The following SMARCE1 variants were observed in gnomAD, a reference collection of about 807,000 sequenced individuals.
SMARCE1 encodes SWI/SNF-related matrix-associated actin-dependent regulator of chromatin subfamily E member 1.
A neutral mutation model predicts 54.9 loss-of-function variants in SMARCE1; 13 were observed. That is an observed-to-expected ratio of 0.24 (90% CI 0.15 to 0.38). The LOEUF (loss-of-function observed/expected upper bound fraction) is 0.38, where lower values mean the gene tolerates loss of function less well. SMARCE1 is among the 10% of genes least tolerant of loss of function. The pLI, the probability that SMARCE1 is intolerant of heterozygous loss-of-function variation, is 1.00. For missense variants in SMARCE1, 295 were observed against 523.8 expected, an observed-to-expected ratio of 0.56 and a Z score of 4.26; for synonymous variants, 151 against 175.3, an observed-to-expected ratio of 0.86 and a Z score of 1.10.
intron 4 of SMARCE1, among the ~76,000 whole-genome samples, chr17:40,638,840 T>A (rs2037169460): frequency 6.6e-6 from 1 of 152,140 alleles, no homozygotes; most frequent in Non-Finnish European, 1.5e-5. Context: ...GTTGCTATGA[T>A]AAAACCCCAG....
chr17:40,636,221 C>T, intron 6 of SMARCE1, 119 bp from the exon 7 acceptor site: 2 of 1,189,492 alleles, frequency 1.7e-6, no homozygotes, highest in South Asian at 3.0e-5. Context: ...GGATAATTAT[C>T]TCCTTTTTAC....
rs2037093971 is a variant in SMARCE1, at chr17:40,631,380, T to C, written c.816+212A>G. ...CTAGCATTTACAGGCCTAGAAGATA[T>C]GTGTATACTCTATGATATTTCAAAT... On this transcript the variant is annotated intron_variant, in intron 9 of 10. Transcript: ENST00000348513. 8.3e-6 allele frequency: 4 copies of C among 479,048 alleles called. No individual in the cohort carries two copies. In the South Asian group the frequency reaches 1.0e-4, roughly 12 times the overall value. 29.7% of individuals were successfully genotyped at this position (479,048 alleles called of 1,614,324 possible). A position where few individuals can be genotyped will look rare whatever the true frequency, so the allele number is the denominator to read the frequency against.
At chr17:40,645,467 A>T in intron 3 of SMARCE1, 109 bp downstream of exon 3, 1 of 601,642 alleles carries the variant, frequency 1.7e-6, no homozygotes, top group Non-Finnish European at 2.9e-6. Flanking sequence ...TTTTAAGCTG[A>T]ATTTCATCCT....
At chr17:40,629,435 G>T in intron 10 of SMARCE1, 2 of 757,446 alleles carry the variant, frequency 2.6e-6, no homozygotes, top group Admixed American at 4.1e-5. Flanking sequence ...CACGTGACTT[G>T]CATTTTATTT....
intron 10 of SMARCE1, 24 bp downstream of exon 10, chr17:40,630,690 C>A: frequency 6.3e-7 from 1 of 1,597,226 alleles, no homozygotes; most frequent in Non-Finnish European, 8.6e-7. Flanking sequence ...GGCACTGCCT[C>A]TGCGTTTGTT....
At chr17:40,632,094 GACAT>G in intron 8 of SMARCE1, 97 bp downstream of exon 8, 2 of 911,810 alleles carry the variant, frequency 2.2e-6, no homozygotes, top group Non-Finnish European at 1.7e-6. Context: ...AGGTTAGATT[GACAT>G]ATTTAACAGG....
intron 10 of SMARCE1, chr17:40,630,109 G>A (rs891899135): frequency 4.4e-6 from 3 of 684,694 alleles, no homozygotes; most frequent in Non-Finnish European, 5.1e-6. Context: ...TTAAAACAGT[G>A]CCATGAGGTA....
chr17:40,625,085 G>T lies in SMARCE1; in HGVS notation c.*3700C>A, dbSNP rs1479269753. 1 of 152,240 alleles carries T rather than the reference G, an allele frequency of 6.6e-6. No individual in the cohort carries two copies. Among genetic ancestry groups the T allele is most frequent in the Non-Finnish European group, 1.5e-5 (1 of 68,046 alleles). The allele number at this position is 152,240 out of a possible 1,614,324, so 9.4% of individuals were successfully genotyped here. On this transcript the variant is annotated 3_prime_UTR_variant, in exon 11 of 11. Coordinates refer to ENST00000348513, the MANE Select transcript of SMARCE1 (RefSeq NM_003079.5). ...TTCACACTTAGAAAGCTGCCACGAAGAGCTTATTCTTGGAGTATAAAATGC... is the reference window on the plus strand; with the variant it reads ...TTCACACTTAGAAAGCTGCCACGAATAGCTTATTCTTGGAGTATAAAATGC...
chr17:40,646,451 C>T (rs1047368127), intron 1 of SMARCE1, among the ~76,000 whole-genome samples: 1 of 152,162 alleles, frequency 6.6e-6, no homozygotes, highest in African/African-American at 2.4e-5. Context: ...TTTTTCTCCT[C>T]AAGGGAACTT....
At chr17:40,640,635 T>C (rs966496164) in intron 4 of SMARCE1, 4 of 152,192 alleles carry the variant, frequency 2.6e-5, no homozygotes, top group Admixed American at 1.3e-4. Context: ...CAGCTTAAAC[T>C]AGATATAGAA....
intron 8 of SMARCE1, chr17:40,631,932 T>G: frequency 1.8e-6 from 1 of 547,458 alleles, no homozygotes; most frequent in South Asian, 2.9e-5. Context: ...GCAGTAAAGA[T>G]TGATAGGATG....
chr17:40,639,544 T>G lies in SMARCE1; in HGVS notation c.157-1972A>C, dbSNP rs913558861. 3.3e-5 allele frequency among the ~76,000 whole-genome samples: 5 copies of G among 152,182 alleles called. No individual in the cohort carries two copies. The East Asian group carries it at 9.6e-4, about 29-fold the overall frequency. ...TTTTTCAAAGAATCACATTTTATAT[T>G]AATGGAATTGCTATTTCCCCTCCTT... On this transcript the variant is annotated intron_variant, in intron 4 of 10. Transcript: ENST00000348513.
rs779984224 is a variant in SMARCE1, at chr17:40,630,927, A to G, written c.817-3T>C. On this transcript the variant is annotated splice_polypyrimidine_tract_variant and splice_region_variant and intron_variant, in intron 9 of 10. Transcript: ENST00000348513. ...ACTTCTACTTTCAGACCGCACAACT[A>G]ATCAGAAAAAAACAGAACTCCGTAA... 1.9e-6 allele frequency: 3 copies of G among 1,608,954 alleles called. No homozygotes were observed. The highest frequency in any genetic ancestry group is 3.3e-4 in the Middle Eastern group (2 of 6,078).
chr17:40,632,756 C>T (rs1218096274), intron 7 of SMARCE1: 1 of 171,322 alleles, frequency 5.8e-6, no homozygotes, highest in Non-Finnish European at 1.2e-5. Flanking sequence ...AACTAATGAA[C>T]AACATATGAA....
rs778796615 is a variant in SMARCE1, at chr17:40,631,656, C to T, written c.752G>A (p.Arg251Gln). The T allele has an allele frequency of 6.2e-7, 1 of 1,611,280 alleles. No homozygotes were observed. Among genetic ancestry groups the T allele is most frequent in the Non-Finnish European group, 8.5e-7 (1 of 1,177,838 alleles). Residue 251 changes from arginine to glutamine, a missense_variant, in exon 9 of 11, where the codon CGA becomes CAA. By Grantham distance (43) the Arg-to-Gln change is conservative. Transcript: ENST00000348513. Reference sequence around the variant, plus strand: ...GAATTTCCTCTTCTTCTCCTGGTGTCGTTCCTCTATTTGAAGAAGTTCAGC... The same window carrying T: ...GAATTTCCTCTTCTTCTCCTGGTGTTGTTCCTCTATTTGAAGAAGTTCAGC... ...LEAELLQIEE[R>Q]HQEKKRKFLE...
intron 10 of SMARCE1, chr17:40,629,964 A>C (rs916221847): frequency 2.7e-6 from 1 of 370,196 alleles, no homozygotes; most frequent in Non-Finnish European, 4.8e-6. Flanking sequence ...CATGTTTTCC[A>C]GATGGTTGTC....
At chr17:40,630,337 G>A (rs754823927) in intron 10 of SMARCE1, 6 of 827,608 alleles carry the variant, frequency 7.2e-6, no homozygotes, top group African/African-American at 3.4e-5. Flanking sequence ...CCAGGCAGTT[G>A]TTGTTGCAAC....
chr17:40,629,074 C>A, intron 10 of SMARCE1, 81 bp from the exon 11 acceptor site: 2 of 1,176,914 alleles, frequency 1.7e-6, no homozygotes, highest in Non-Finnish European at 2.5e-6. Flanking sequence ...CTGTGCTGTC[C>A]AATATAGAAG....
At chr17:40,631,557 G>T in intron 9 of SMARCE1, 35 bp downstream of exon 9, 1 of 1,038,302 alleles carries the variant, frequency 9.6e-7, no homozygotes. Context: ...AACAGGTATA[G>T]TGATAAAAGT....
Sources: allele counts gnomAD v4.1 joint callset (sites outside exome capture counted in the v4.1 genomes callset), GRCh38; gene constraint gnomAD v4.1.1; transcripts MANE v1.5; gene names NCBI Gene and HGNC (gene_info 2026-07-23, HGNC 2026-07-21).